The following CACNA2D3 variants were observed in gnomAD, a reference collection of about 807,000 sequenced individuals.
The protein encoded by CACNA2D3 is calcium voltage-gated channel auxiliary subunit alpha2delta 3.
CACNA2D3 carries 60 observed loss-of-function variants against 160.6 expected under a neutral mutation model. That is an observed-to-expected ratio of 0.37 (90% CI 0.30 to 0.46). The LOEUF (loss-of-function observed/expected upper bound fraction) is 0.46. Among genes scored for constraint, CACNA2D3 ranks in the 20% least tolerant of loss-of-function variants. The pLI is 1.00. For synonymous variants in CACNA2D3, 558 were observed against 492.9 expected, an observed-to-expected ratio of 1.13 and a Z score of -1.75; for missense variants, 1,205 against 1,365.0, an observed-to-expected ratio of 0.88 and a Z score of 1.85.
At chr3:54,793,376 A>G (rs1351239816) in intron 13 of CACNA2D3, among the ~76,000 whole-genome samples, 1 of 152,196 alleles carries the variant, frequency 6.6e-6, no homozygotes, top group African/African-American at 2.4e-5. Context: ...TCTTGTTTCA[A>G]CCAACTTCTG....
At chr3:54,816,202 C>T (rs1221931060) in intron 13 of CACNA2D3, among the ~76,000 whole-genome samples, 2 of 152,166 alleles carry the variant, frequency 1.3e-5, no homozygotes, top group African/African-American at 4.8e-5. Flanking sequence ...ACTTCCTTAA[C>T]CATCAATAAA....
rs755143355 is a variant in CACNA2D3, at chr3:54,414,674, A to AT, written c.381+27909dup. Among the ~76,000 whole-genome samples the AT allele has an allele frequency of 3.7e-3, 552 of 150,648 alleles. 4 individuals are homozygous for AT. The highest frequency in any genetic ancestry group is 0.013 in the African/African-American group (517 of 41,118). Reference sequence around the variant, plus strand: ...TTGCCCTAATTTTTCTTGTTACAACATTTTTTTTTCTATTGTGACTATAAG... The same window carrying AT: ...TTGCCCTAATTTTTCTTGTTACAACATTTTTTTTTTCTATTGTGACTATAAG... On this transcript the variant is annotated intron_variant, in intron 4 of 37. Coordinates refer to ENST00000474759, the MANE Select transcript of CACNA2D3 (RefSeq NM_018398.3).
At chr3:54,810,586 C>G (rs76274473) in intron 13 of CACNA2D3, among the ~76,000 whole-genome samples, 1 of 152,292 alleles carries the variant, frequency 6.6e-6, no homozygotes, top group East Asian at 1.9e-4. Context: ...GGCAAAGGGC[C>G]AGTTTTACAA....
intron 11 of CACNA2D3, among the ~76,000 whole-genome samples, chr3:54,657,904 C>A (rs1459117883): frequency 5.3e-5 from 8 of 152,122 alleles, no homozygotes. Flanking sequence ...TGGCACATGC[C>A]TGTAATCCCA....
At chr3:54,175,229 G>A (rs1700652477) in intron 2 of CACNA2D3, among the ~76,000 whole-genome samples, 1 of 152,190 alleles carries the variant, frequency 6.6e-6, no homozygotes, top group Admixed American at 6.5e-5. Context: ...CATTGTGTAA[G>A]TGTTCATAGT....
At chr3:54,482,036 G>A (rs1700941464) in intron 4 of CACNA2D3, among the ~76,000 whole-genome samples, 1 of 152,120 alleles carries the variant, frequency 6.6e-6, no homozygotes, top group Admixed American at 6.5e-5. Context: ...GAAGAAATAT[G>A]CATCAAGAAA....
chr3:54,798,824 G>C (rs1016634523), intron 13 of CACNA2D3, among the ~76,000 whole-genome samples: 1 of 152,158 alleles, frequency 6.6e-6, no homozygotes, highest in Non-Finnish European at 1.5e-5. Flanking sequence ...TTTACTCTGG[G>C]CTCCAGCTGG....
intron 2 of CACNA2D3, among the ~76,000 whole-genome samples, chr3:54,284,443 C>T (rs1441077242): frequency 6.6e-6 from 1 of 151,790 alleles, no homozygotes; most frequent in Non-Finnish European, 1.5e-5. Flanking sequence ...ACCACAATAA[C>T]ATATAATGTT....
intron 11 of CACNA2D3, among the ~76,000 whole-genome samples, chr3:54,701,633 A>C (rs1700769080): frequency 6.6e-6 from 1 of 152,182 alleles, no homozygotes; most frequent in African/African-American, 2.4e-5. Flanking sequence ...ATGCTCATGG[A>C]TGGGAAGAAT....
intron 27 of CACNA2D3, among the ~76,000 whole-genome samples, chr3:54,911,933 C>T (rs779880765): frequency 3.3e-5 from 5 of 152,148 alleles, no homozygotes; most frequent in Non-Finnish European, 5.9e-5. Context: ...TTGTACAGTA[C>T]CTGTGAGTCA....
chr3:54,675,858 C>T (rs1241279152), intron 11 of CACNA2D3, among the ~76,000 whole-genome samples: 2 of 152,122 alleles, frequency 1.3e-5, no homozygotes, highest in East Asian at 3.9e-4. Flanking sequence ...CAGCATTTCC[C>T]AAACCTGACC....
intron 4 of CACNA2D3, among the ~76,000 whole-genome samples, chr3:54,467,284 T>G (rs1259472506): frequency 1.3e-5 from 2 of 152,204 alleles, no homozygotes; most frequent in East Asian, 3.9e-4. Context: ...ATGGGCTCCC[T>G]TCTGTGCTGT....
At chr3:54,838,335 C>T (rs539545574) in intron 15 of CACNA2D3, among the ~76,000 whole-genome samples, 9 of 152,208 alleles carry the variant, frequency 5.9e-5, no homozygotes, top group African/African-American at 2.2e-4. Flanking sequence ...TAGGATTATG[C>T]GTTGGGGACT....
chr3:54,148,056 C>CA (rs1361234447), intron 2 of CACNA2D3, among the ~76,000 whole-genome samples: 6 of 152,236 alleles, frequency 3.9e-5, no homozygotes, highest in African/African-American at 1.4e-4. Flanking sequence ...CTTGGCGTCC[C>CA]AAAGTGCTGG....
chr3:54,520,569 G>A (rs141799654), intron 5 of CACNA2D3, among the ~76,000 whole-genome samples: 10 of 152,308 alleles, frequency 6.6e-5, no homozygotes, highest in Admixed American at 2.0e-4. Flanking sequence ...GATCAAAATC[G>A]CTCAGAGAGC....
intron 17 of CACNA2D3, among the ~76,000 whole-genome samples, chr3:54,870,176 G>A (rs775599415): frequency 4.6e-5 from 7 of 152,118 alleles, no homozygotes; most frequent in Non-Finnish European, 7.4e-5. Flanking sequence ...AGTGGTGCAA[G>A]ATCGACCCCT....
Position 54,489,465 on chromosome 3 carries a change from A to C in CACNA2D3, c.382-14027A>C, listed in dbSNP as rs201411654. ...TGGTGTTCGGCACTTTTTAGCCCAC[A>C]AAAGGGTAGTTTTATACAGTTCAAT... On this transcript the variant is annotated intron_variant, in intron 4 of 37. Transcript: ENST00000474759. Among the ~76,000 whole-genome samples the C allele has an allele frequency of 1.8e-4, 27 of 152,368 alleles. No individual in the cohort carries two copies. In the East Asian group the frequency reaches 5.0e-3, roughly 28 times the overall value.
chr3:54,384,185 A>C (rs1237561626), intron 3 of CACNA2D3, among the ~76,000 whole-genome samples: 2 of 151,218 alleles, frequency 1.3e-5, no homozygotes. Flanking sequence ...TTATCTTTTG[A>C]TCATTTAAAC....
chr3:54,253,969 G>A (rs569345408), intron 2 of CACNA2D3, among the ~76,000 whole-genome samples: 222 of 152,188 alleles, frequency 1.5e-3, no homozygotes, highest in Non-Finnish European at 2.4e-3. Flanking sequence ...GTTTCACCAT[G>A]TTGGCCAGGC....
Sources: allele counts gnomAD v4.1 joint callset (sites outside exome capture counted in the v4.1 genomes callset), GRCh38; gene constraint gnomAD v4.1.1; transcripts MANE v1.5; gene names NCBI Gene and HGNC (gene_info 2026-07-23, HGNC 2026-07-21).